Variants in DYSF observed in about 807,000 individuals in gnomAD.
The protein encoded by DYSF is dystrophy-associated fer-1-like 1.
Under a neutral mutation model 274.9 loss-of-function variants are expected in DYSF, and 212 were observed. The ratio of observed to expected loss-of-function variants is 0.77; its 90% confidence interval spans 0.69 to 0.86. The LOEUF is 0.86. DYSF is among the 40% of genes least tolerant of loss of function. The pLI is 0.00. For synonymous variants in DYSF, 1,091 were observed against 1,078.7 expected (o/e 1.01, Z -0.22); for missense variants, 2,666 against 2,783.2 (o/e 0.96, Z 0.95).
chr2:71,489,529 G>T (rs1460808923), intron 3 of DYSF, among the ~76,000 whole-genome samples: 1 of 152,242 alleles, frequency 6.6e-6, no homozygotes, highest in Admixed American at 6.5e-5. Flanking sequence ...CTGGGCGGAG[G>T]CAAGGGTGGC....
Position 71,613,481 on chromosome 2 carries a change from C to T in DYSF, c.4464+71C>T, listed in dbSNP as rs191218074. The stretch of plus-strand genomic sequence containing the variant: ...CATTCCTCATCAATTCCCACCCCTT[C>T]TCCCCTACCCTTCATTATCACACAG... On this transcript the variant is annotated intron_variant, in intron 40 of 55. Coordinates refer to ENST00000410020, the MANE Select transcript of DYSF (RefSeq NM_001130987.2). 1.6e-4 allele frequency: 196 copies of T among 1,263,444 alleles called. No homozygotes were observed. In the African/African-American group the frequency reaches 2.6e-3, roughly 17 times the overall value. The allele number at this position is 1,263,444 out of a possible 1,614,324, so 78.3% of individuals were successfully genotyped here. A position where few individuals can be genotyped will look rare whatever the true frequency, so the allele number is the denominator to read the frequency against.
intron 5 of DYSF, 130 bp downstream of exon 5, chr2:71,512,051 G>A (rs565722839): frequency 4.3e-6 from 3 of 705,280 alleles, no homozygotes; most frequent in South Asian, 3.0e-5. Flanking sequence ...GGCTGCCCAG[G>A]CCTGGAAAGA....
At chr2:71,638,507 CT>C (rs1464618311) in intron 41 of DYSF, among the ~76,000 whole-genome samples, 1 of 152,232 alleles carries the variant, frequency 6.6e-6, no homozygotes, top group East Asian at 1.9e-4. Context: ...CTCCCAGCCC[CT>C]GGCAACCACT....
At position 71,513,789 on chromosome 2, in the gene DYSF, C is replaced by T. The variant is rs780331854; in HGVS notation, c.627C>T (p.Ser209=). 31 of 1,614,156 alleles carry T rather than the reference C, an allele frequency of 1.9e-5. No homozygotes were observed. The highest frequency in any genetic ancestry group is 2.5e-5 in the Non-Finnish European group (29 of 1,180,002). Reference sequence around the variant, plus strand: ...AGGCGGAGCCATTCCTGGATCAAAGCGGAGGCCCGGGGGCTCCCACCACCC... The same window carrying T: ...AGGCGGAGCCATTCCTGGATCAAAGTGGAGGCCCGGGGGCTCCCACCACCC... ...GDEAEPFLDQ[S]GGPGAPTTPR... Residue 209 remains serine (S), a synonymous_variant, in exon 7 of 56, where the codon AGC becomes AGT. Transcript: ENST00000410020.
chr2:71,513,132 TG>T, intron 5 of DYSF, 107 bp from the exon 6 acceptor site: 4 of 1,019,326 alleles, frequency 3.9e-6, no homozygotes, highest in Non-Finnish European at 3.0e-6. Flanking sequence ...TGCACCAGGC[TG>T]GGGTGGGCGG....
intron 10 of DYSF, among the ~76,000 whole-genome samples, chr2:71,519,092 C>CAAAAAAAAAAAAAA (rs70959240): frequency 6.7e-5 from 4 of 59,726 alleles, no homozygotes; most frequent in African/African-American, 2.6e-4. Flanking sequence ...CACTCCATCT[C>CAAAAAAAAAAAAAA]AAAAAAAAAA....
intron 42 of DYSF, among the ~76,000 whole-genome samples, chr2:71,653,265 A>G (rs1288470141): frequency 2.6e-5 from 4 of 152,290 alleles, no homozygotes; most frequent in African/African-American, 9.6e-5. Context: ...TTCCTCAGGG[A>G]TCTAGAACTA....
upstream of DYSF, among the ~76,000 whole-genome samples, chr2:71,465,359 G>A (rs2081465098): frequency 6.6e-6 from 1 of 152,142 alleles, no homozygotes; most frequent in South Asian, 2.1e-4. Context: ...AGGAGACTGG[G>A]GACCTGAAGA....
chr2:71,659,170 G>T, intron 44 of DYSF, 137 bp downstream of exon 44: 5 of 1,236,078 alleles, frequency 4.0e-6, no homozygotes, highest in Non-Finnish European at 5.8e-6. Flanking sequence ...ACTGAGAGGT[G>T]CCTGGATGGA....
intron 1 of DYSF, among the ~76,000 whole-genome samples, chr2:71,461,209 C>T (rs974157408): frequency 5.9e-5 from 9 of 152,150 alleles, no homozygotes; most frequent in Non-Finnish European, 1.2e-4. Context: ...CGGGTGATTA[C>T]GCTAATAGTT....
chr2:71,622,025 C>T (rs769558138), intron 41 of DYSF, among the ~76,000 whole-genome samples: 5 of 125,700 alleles, frequency 4.0e-5, no homozygotes, highest in Admixed American at 2.6e-4. Flanking sequence ...TAACTACTCC[C>T]TATCATTTGC....
chr2:71,483,945 A>G (rs981950010), intron 3 of DYSF, among the ~76,000 whole-genome samples: 1 of 151,346 alleles, frequency 6.6e-6, no homozygotes, highest in Non-Finnish European at 1.5e-5. Flanking sequence ...AGAGGGGCAG[A>G]GGCAGGACAG....
chr2:71,526,112 T>C, intron 12 of DYSF, 108 bp from the exon 13 acceptor site: 4 of 1,599,902 alleles, frequency 2.5e-6, no homozygotes, highest in Admixed American at 3.3e-5. Context: ...CAGTCTGCCT[T>C]ACTGCAGAAT....
At chr2:71,498,555 G>T (rs2084650232) in intron 3 of DYSF, among the ~76,000 whole-genome samples, 1 of 152,198 alleles carries the variant, frequency 6.6e-6, no homozygotes, top group Admixed American at 6.5e-5. Context: ...GAGCAACTGG[G>T]GAGGCTCGGA....
At chr2:71,592,926 G>A (rs764320580) in intron 32 of DYSF, among the ~76,000 whole-genome samples, 1 of 152,178 alleles carries the variant, frequency 6.6e-6, no homozygotes, top group Non-Finnish European at 1.5e-5. Context: ...CTTGGGAGAG[G>A]GAGGCTGTCC....
chr2:71,490,477 T>C (rs1172292073), intron 3 of DYSF, among the ~76,000 whole-genome samples: 1 of 152,170 alleles, frequency 6.6e-6, no homozygotes, highest in Non-Finnish European at 1.5e-5. Flanking sequence ...GTAGCTGGGA[T>C]TACAGGTGCC....
chr2:71,679,121 G>A lies in DYSF; in HGVS notation c.5949G>A (p.Leu1983=). 6.2e-7 allele frequency: 1 copy of A among 1,613,982 alleles called. No homozygotes were observed. Among genetic ancestry groups the A allele is most frequent in the Non-Finnish European group, 8.5e-7 (1 of 1,179,958 alleles). ...KPAKTAKKCS[L]DQLDDAFHPE... ...CCAAGACAGCCAAGAAGTGCTCCTT[G>A]GACCAGCTGGATGATGCTTTCCACC... Residue 1983 remains leucine, a synonymous_variant, in exon 53 of 56, where the codon TTG becomes TTA. Coordinates refer to ENST00000410020, the MANE Select transcript of DYSF (RefSeq NM_001130987.2).
At chr2:71,562,327 C>T (rs185831429) in intron 23 of DYSF, among the ~76,000 whole-genome samples, 22 of 152,280 alleles carry the variant, frequency 1.4e-4, no homozygotes, top group African/African-American at 4.8e-4. Flanking sequence ...TGCCTGTCTG[C>T]ACCTGGCCAA....
intron 17 of DYSF, among the ~76,000 whole-genome samples, chr2:71,546,036 G>T (rs1307082747): frequency 6.6e-6 from 1 of 151,960 alleles, no homozygotes; most frequent in Non-Finnish European, 1.5e-5. Flanking sequence ...GGCAGTAAAA[G>T]AGTTAAACTT....
Sources: allele counts gnomAD v4.1 joint callset (sites outside exome capture counted in the v4.1 genomes callset), GRCh38; gene constraint gnomAD v4.1.1; transcripts MANE v1.5; gene names NCBI Gene and HGNC (gene_info 2026-07-23, HGNC 2026-07-21).